The following ABTB2 variants were observed in gnomAD, a reference collection of about 807,000 sequenced individuals.
ABTB2 encodes the protein ankyrin repeat and BTB/POZ domain-containing protein 2.
In ABTB2, 56 loss-of-function variants were observed where a neutral mutation model predicts 104.1. The ratio of observed to expected loss-of-function variants is 0.54; its 90% CI spans 0.43 to 0.67. The LOEUF is 0.67. Among genes scored for constraint, ABTB2 ranks in the 30% least tolerant of loss-of-function variants. The pLI is 0.00. For synonymous variants in ABTB2, 606 were observed against 608.2 expected (o/e 1.00, Z 0.05); for missense variants, 1,279 against 1,407.7 (o/e 0.91, Z 1.46).
chr11:34,304,452 T>G (rs1854747538), intron 1 of ABTB2, among the ~76,000 whole-genome samples: 1 of 152,196 alleles, frequency 6.6e-6, no homozygotes, highest in African/African-American at 2.4e-5. Flanking sequence ...CTGTCACAAG[T>G]GCTTCCTACA....
At chr11:34,165,917 G>C (rs565080323) in intron 7 of ABTB2, among the ~76,000 whole-genome samples, 1 of 152,348 alleles carries the variant, frequency 6.6e-6, no homozygotes, top group East Asian at 1.9e-4. Flanking sequence ...TGGTGGGGCT[G>C]AAGCAGGAAG....
At chr11:34,221,900 A>T (rs760955844) in intron 1 of ABTB2, among the ~76,000 whole-genome samples, 1 of 152,148 alleles carries the variant, frequency 6.6e-6, no homozygotes, top group Non-Finnish European at 1.5e-5. Flanking sequence ...TTAGCTGGAC[A>T]TGGTGGTGCA....
chr11:34,342,920 CATTT>C (rs3035434), intron 1 of ABTB2, among the ~76,000 whole-genome samples: 14,121 of 148,614 alleles, frequency 0.095, 857 homozygotes, highest in African/African-American at 0.17. Flanking sequence ...ACTCCCATTT[CATTT>C]ATTTATTTAT....
At chr11:34,204,452 G>A (rs1024824550) in intron 2 of ABTB2, 92 bp downstream of exon 2, 11 of 1,414,678 alleles carry the variant, frequency 7.8e-6, no homozygotes, top group Non-Finnish European at 1.0e-5. Context: ...AGAGCACTTG[G>A]AGGAGGAGGA....
rs1376286996 is a variant in ABTB2 at position 34,157,944 on chromosome 11, A to G, written c.2697+1352T>C. 1.6e-4 allele frequency among the ~76,000 whole-genome samples: 25 copies of G among 152,156 alleles called. 1 individual carries two copies. The highest frequency in any genetic ancestry group is 1.6e-3 in the Admixed American group (25 of 15,272). ...ATTCTGTCTCCATCACTTCCCAGCT[A>G]TGTGACCTTGAGCAAGTTACTCAAC... On this transcript the variant is annotated intron_variant, in intron 14 of 16. Coordinates refer to ENST00000435224, the MANE Select transcript of ABTB2 (RefSeq NM_145804.3).
chr11:34,314,358 C>A (rs192537525), intron 1 of ABTB2, among the ~76,000 whole-genome samples: 1 of 152,154 alleles, frequency 6.6e-6, no homozygotes, highest in Non-Finnish European at 1.5e-5. Flanking sequence ...TCGATGAGGG[C>A]GGGACCAGGT....
At chr11:34,339,182 C>G (rs766752567) in intron 1 of ABTB2, among the ~76,000 whole-genome samples, 3 of 152,198 alleles carry the variant, frequency 2.0e-5, no homozygotes, top group African/African-American at 7.2e-5. Flanking sequence ...AAGTGATCCT[C>G]CCACCTAGGC....
At chr11:34,238,864 C>T (rs745345766) in intron 1 of ABTB2, among the ~76,000 whole-genome samples, 1 of 152,184 alleles carries the variant, frequency 6.6e-6, no homozygotes, top group African/African-American at 2.4e-5. Flanking sequence ...TGCCATTCTC[C>T]TGCTTCCGCC....
chr11:34,247,220 C>T (rs78906274), intron 1 of ABTB2, among the ~76,000 whole-genome samples: 17 of 152,282 alleles, frequency 1.1e-4, no homozygotes, highest in African/African-American at 4.1e-4. Flanking sequence ...GCTGGTGGAG[C>T]CACCGCTACA....
At chr11:34,287,939 A>G (rs1385184848) in intron 1 of ABTB2, among the ~76,000 whole-genome samples, 2 of 152,144 alleles carry the variant, frequency 1.3e-5, no homozygotes, top group East Asian at 3.8e-4. Context: ...TATCCACATC[A>G]CTTAGAACAT....
chr11:34,214,155 C>CACACACAA (rs1217066237), intron 1 of ABTB2, among the ~76,000 whole-genome samples: 1 of 151,638 alleles, frequency 6.6e-6, no homozygotes, highest in African/African-American at 2.4e-5. Flanking sequence ...CACACACACA[C>CACACACAA]ACACACACAC....
intron 1 of ABTB2, among the ~76,000 whole-genome samples, chr11:34,264,781 C>G (rs961340197): frequency 1.3e-5 from 2 of 152,246 alleles, no homozygotes; most frequent in Admixed American, 6.5e-5. Flanking sequence ...TGCCACATTT[C>G]TGCTGGCCCG....
intron 1 of ABTB2, among the ~76,000 whole-genome samples, chr11:34,226,509 C>G (rs1853688611): frequency 6.6e-6 from 1 of 152,198 alleles, no homozygotes; most frequent in African/African-American, 2.4e-5. Context: ...ATGGCTTTAA[C>G]ATAAAACACG....
intron 1 of ABTB2, among the ~76,000 whole-genome samples, chr11:34,246,723 C>T (rs937353596): frequency 6.6e-6 from 1 of 151,168 alleles, no homozygotes; most frequent in African/African-American, 2.4e-5. Context: ...ACCTCACATA[C>T]TTCTTTAGGT....
At chr11:34,335,923 AT>A in intron 1 of ABTB2, 1 of 689,892 alleles carries the variant, frequency 1.4e-6, no homozygotes, top group Non-Finnish European at 2.6e-6. Flanking sequence ...AGGCTTTGGG[AT>A]TGCCAACGTT....
At chr11:34,246,043 T>C (rs1853979698) in intron 1 of ABTB2, among the ~76,000 whole-genome samples, 7 of 152,228 alleles carry the variant, frequency 4.6e-5, no homozygotes. Flanking sequence ...TTCAGGCCAA[T>C]GCCTGGCACA....
At chr11:34,255,304 T>G (rs1263479923) in intron 1 of ABTB2, among the ~76,000 whole-genome samples, 4 of 152,058 alleles carry the variant, frequency 2.6e-5, no homozygotes. Flanking sequence ...CATCACTTTC[T>G]CACCTTTCCC....
rs1483747180 is a variant in ABTB2 at position 34,173,142 on chromosome 11, C to G, written c.1397+13G>C. 1 of 1,613,660 alleles carries G rather than the reference C, an allele frequency of 6.2e-7. No individual in the cohort carries two copies. Among genetic ancestry groups the G allele is most frequent in the Non-Finnish European group, 8.5e-7 (1 of 1,179,914 alleles). The stretch of plus-strand genomic sequence containing the variant: ...CATGGATGCCGGGGCCCTCCCTCCT[C>G]CCTGGTTCATACTTGAGCTGCCGAG... On this transcript the variant is annotated intron_variant, in intron 4 of 16. Transcript: ENST00000435224.
chr11:34,328,466 TGAG>T (rs776125394), intron 1 of ABTB2, among the ~76,000 whole-genome samples: 1 of 152,178 alleles, frequency 6.6e-6, no homozygotes, highest in African/African-American at 2.4e-5. Context: ...CTCTGAAAAT[TGAG>T]GAGAACAGTA....
Sources: allele counts gnomAD v4.1 joint callset (sites outside exome capture counted in the v4.1 genomes callset), GRCh38; gene constraint gnomAD v4.1.1; transcripts MANE v1.5; gene names NCBI Gene and HGNC (gene_info 2026-07-23, HGNC 2026-07-21).